FSTL4: variants seen among roughly 807,000 people sequenced by gnomAD.
FSTL4 encodes follistatin-related protein 4.
Under a neutral mutation model 78.2 loss-of-function variants are expected in FSTL4, and 28 were observed. The observed-to-expected ratio is 0.36, with a 90% CI of 0.27 to 0.49. FSTL4 has a LOEUF of 0.49. Ranked by LOEUF, FSTL4 falls within the 20% of genes least tolerant of loss-of-function variation. FSTL4 has a pLI of 0.98. For synonymous variants in FSTL4, 422 were observed against 440.5 expected, an observed-to-expected ratio of 0.96 and a Z score of 0.53; for missense variants, 922 against 1,084.9, an observed-to-expected ratio of 0.85 and a Z score of 2.11.
At chr5:133,572,617 C>A (rs154115) in intron 2 of FSTL4, among the ~76,000 whole-genome samples, 76,112 of 151,838 alleles carry the variant, frequency 0.5, 19,209 homozygotes, top group African/African-American at 0.55. Flanking sequence ...TGAGCACCAA[C>A]AAGCATTAAA....
chr5:133,765,182 T>A, the FSTL4 span, among the ~76,000 whole-genome samples: 1 of 152,228 alleles, frequency 6.6e-6, no homozygotes, highest in Non-Finnish European at 1.5e-5. Context: ...TGAAGTGGAT[T>A]TCTGTAGAAT....
chr5:133,560,509 A>G (rs182400018), intron 3 of FSTL4, among the ~76,000 whole-genome samples: 124 of 152,110 alleles, frequency 8.2e-4, no homozygotes, highest in Middle Eastern at 3.4e-3. Context: ...GACTACAGGC[A>G]TGCACCAACA....
the FSTL4 span, among the ~76,000 whole-genome samples, chr5:133,693,036 C>A: frequency 6.6e-6 from 1 of 152,230 alleles, no homozygotes; most frequent in Non-Finnish European, 1.5e-5. Flanking sequence ...CAGTGCCTGG[C>A]ACAGAGTAGG....
At chr5:133,461,323 G>C (rs1027157903) in intron 3 of FSTL4, among the ~76,000 whole-genome samples, 1 of 152,174 alleles carries the variant, frequency 6.6e-6, no homozygotes, top group Admixed American at 6.5e-5. Context: ...CTCCAGAAGT[G>C]GTTCTTCAAG....
At chr5:133,652,694 T>C in the FSTL4 span, among the ~76,000 whole-genome samples, 2 of 152,226 alleles carry the variant, frequency 1.3e-5, no homozygotes, top group Non-Finnish European at 2.9e-5. Context: ...TCTATCTTCA[T>C]GAACATTCCA....
intron 7 of FSTL4, among the ~76,000 whole-genome samples, chr5:133,238,240 A>G (rs1454889785): frequency 6.6e-6 from 1 of 152,224 alleles, no homozygotes; most frequent in Non-Finnish European, 1.5e-5. Flanking sequence ...CAATGTTACA[A>G]GTTCAGACTC....
At chr5:133,701,496 C>CAA in the FSTL4 span, among the ~76,000 whole-genome samples, 1 of 131,596 alleles carries the variant, frequency 7.6e-6, no homozygotes, top group Non-Finnish European at 1.6e-5. Flanking sequence ...CACACACACA[C>CAA]ACACACACAC....
intron 4 of FSTL4, among the ~76,000 whole-genome samples, chr5:133,358,535 G>A (rs967786457): frequency 6.6e-6 from 1 of 151,912 alleles, no homozygotes; most frequent in Non-Finnish European, 1.5e-5. Flanking sequence ...AGCCCGTGCT[G>A]CTGATACCTT....
intron 3 of FSTL4, among the ~76,000 whole-genome samples, chr5:133,452,347 C>T (rs539097323): frequency 9.2e-5 from 14 of 152,288 alleles, no homozygotes; most frequent in Admixed American, 2.6e-4. Flanking sequence ...TTTTTAAAGG[C>T]GACAAAGGTA....
chr5:133,484,494 T>A (rs956512302), intron 3 of FSTL4, among the ~76,000 whole-genome samples: 1 of 152,216 alleles, frequency 6.6e-6, no homozygotes, highest in Admixed American at 6.5e-5. Flanking sequence ...TTCTCTTACA[T>A]TTACAAGAAT....
chr5:133,698,188 G>A, the FSTL4 span, among the ~76,000 whole-genome samples: 3 of 151,634 alleles, frequency 2.0e-5, no homozygotes, highest in Admixed American at 6.6e-5. Context: ...CACCCTGCTC[G>A]CGTCGAAAAA....
the FSTL4 span, among the ~76,000 whole-genome samples, chr5:133,677,853 T>A: frequency 6.6e-6 from 1 of 152,356 alleles, no homozygotes; most frequent in South Asian, 2.1e-4. Flanking sequence ...CAGGAATTAT[T>A]CTAGGTGCTG....
intron 8 of FSTL4, among the ~76,000 whole-genome samples, chr5:133,227,207 C>T (rs148548566): frequency 0.01 from 1,579 of 152,298 alleles, 30 homozygotes; most frequent in African/African-American, 0.036. Context: ...AAGTCAGAGT[C>T]CTTGCCTCAG....
chr5:133,731,415 A>G, the FSTL4 span, among the ~76,000 whole-genome samples: 2 of 152,230 alleles, frequency 1.3e-5, no homozygotes, highest in African/African-American at 4.8e-5. Context: ...TAAGAGGGGA[A>G]CATCACAGGG....
At chr5:133,609,465 G>A (rs141609527) in intron 1 of FSTL4, among the ~76,000 whole-genome samples, 13 of 152,258 alleles carry the variant, frequency 8.5e-5, no homozygotes, top group South Asian at 2.1e-4. Context: ...GAGGCTGTAC[G>A]GGAACCTCTC....
chr5:133,557,353 T>A (rs1759811742), intron 3 of FSTL4, among the ~76,000 whole-genome samples: 1 of 152,100 alleles, frequency 6.6e-6, no homozygotes, highest in South Asian at 2.1e-4. Context: ...GGGTGGAGAG[T>A]GAGAGACACC....
chr5:133,426,433 C>G lies in FSTL4; in HGVS notation c.161-25447G>C, dbSNP rs193162766. On this transcript the variant is annotated intron_variant, in intron 3 of 15. Transcript: ENST00000265342. The surrounding 1 kb of genome is among the most constrained non-coding windows in gnomAD (Gnocchi z 5.0). ...GCAGATGAATAGCGCTGCCCTGCCC[C>G]CTCCGCACTCCCTAATTGGAGAATG... 1.7e-3 allele frequency among the ~76,000 whole-genome samples: 264 copies of G among 152,240 alleles called. No homozygotes were observed. The highest frequency in any genetic ancestry group is 5.8e-3 in the African/African-American group (240 of 41,536).
At chr5:133,303,490 G>A (rs1276940506) in intron 6 of FSTL4, among the ~76,000 whole-genome samples, 2 of 152,156 alleles carry the variant, frequency 1.3e-5, no homozygotes, top group African/African-American at 4.8e-5. Flanking sequence ...TCCTATCAGG[G>A]GCCACTTTGG....
the FSTL4 span, among the ~76,000 whole-genome samples, chr5:133,642,134 C>G: frequency 1.3e-5 from 2 of 152,116 alleles, no homozygotes; most frequent in African/African-American, 4.8e-5. Flanking sequence ...CATAAGACTT[C>G]AAAAGGGAAG....
Sources: gnomAD v4.1 joint callset for allele counts (sites outside exome capture counted in the v4.1 genomes callset) on GRCh38, gnomAD v4.1.1 for gene constraint, Gnocchi (gnomAD v3.1) non-coding constraint, MANE v1.5 for transcripts, NCBI Gene and HGNC (gene_info 2026-07-23, HGNC 2026-07-21) for gene names.